FAM168B: variants seen among roughly 807,000 people sequenced by gnomAD.
FAM168B encodes family with sequence similarity 168 member B.
A neutral mutation model predicts 21.8 loss-of-function variants in FAM168B; 19 were observed. That is an observed-to-expected ratio of 0.87 (90% CI 0.61 to 1.28). The LOEUF (loss-of-function observed/expected upper bound fraction) is 1.28, where lower values mean the gene tolerates loss of function less well. Among genes scored for constraint, FAM168B ranks in the 50% most tolerant of loss-of-function variants. The pLI is 0.00. For missense variants in FAM168B, 233 were observed against 263.1 expected, an observed-to-expected ratio of 0.89 and a Z score of 0.79; for synonymous variants, 126 against 104.8, an observed-to-expected ratio of 1.20 and a Z score of -1.24.
chr2:131,073,709 A>G (rs1692995066), intron 2 of FAM168B, among the ~76,000 whole-genome samples: 1 of 152,156 alleles, frequency 6.6e-6, no homozygotes, highest in Non-Finnish European at 1.5e-5. Flanking sequence ...ATTTCTGTTC[A>G]TTATCCAGCT....
intron 2 of FAM168B, among the ~76,000 whole-genome samples, chr2:131,081,994 G>A (rs888858490): frequency 6.6e-6 from 1 of 152,164 alleles, no homozygotes; most frequent in African/African-American, 2.4e-5. Context: ...AGTCACCGAA[G>A]GGAACAACCA....
chr2:131,068,367 C>T (rs1692684089), intron 3 of FAM168B, among the ~76,000 whole-genome samples: 1 of 152,168 alleles, frequency 6.6e-6, no homozygotes, highest in Admixed American at 6.5e-5. Flanking sequence ...CTGTATTGGC[C>T]AGGCTGGTCT....
chr2:131,082,424 C>T (rs534248784), intron 2 of FAM168B, among the ~76,000 whole-genome samples, 153 bp downstream of exon 2: 2 of 152,166 alleles, frequency 1.3e-5, no homozygotes, highest in Non-Finnish European at 2.9e-5. Flanking sequence ...TTGACCAAAT[C>T]CAGTCCTATC....
intron 3 of FAM168B, among the ~76,000 whole-genome samples, chr2:131,065,096 C>A (rs1692489176): frequency 6.6e-6 from 1 of 152,138 alleles, no homozygotes; most frequent in Non-Finnish European, 1.5e-5. Flanking sequence ...AAGGTCGGGG[C>A]AGCAAAGTGA....
intron 3 of FAM168B, 73 bp downstream of exon 3, chr2:131,071,782 C>A (rs1281513211): frequency 4.6e-6 from 6 of 1,291,650 alleles, no homozygotes; most frequent in Non-Finnish European, 6.7e-6. Flanking sequence ...CTATACCCAC[C>A]CCTCTCAAAA....
intron 3 of FAM168B, among the ~76,000 whole-genome samples, chr2:131,061,707 G>A (rs1198174516): frequency 6.6e-6 from 1 of 152,018 alleles, no homozygotes; most frequent in African/African-American, 2.4e-5. Flanking sequence ...AGCTGAACCT[G>A]GGAGGTGGAG....
Position 131,048,159 on chromosome 2 carries a change from G to T in FAM168B, c.*4306C>A. 3.2e-6 allele frequency: 4 copies of T among 1,245,494 alleles called. No homozygotes were observed. Among genetic ancestry groups the T allele is most frequent in the Non-Finnish European group, 4.2e-6 (4 of 955,550 alleles). 77.2% of individuals were successfully genotyped at this position (1,245,494 alleles called of 1,614,324 possible). On this transcript the variant is annotated 3_prime_UTR_variant, in exon 7 of 7. Transcript: ENST00000389915. Reference sequence around the variant, plus strand: ...TACCGAGAGAACGGTGTAAAAAACGGTATTTAAAAATCATTTTTAAAAAAA... The same window carrying T: ...TACCGAGAGAACGGTGTAAAAAACGTTATTTAAAAATCATTTTTAAAAAAA...
chr2:131,061,877 T>C (rs1021856667), intron 3 of FAM168B, among the ~76,000 whole-genome samples: 1 of 152,100 alleles, frequency 6.6e-6, no homozygotes, highest in Middle Eastern at 3.4e-3. Flanking sequence ...GTCTGAAAGA[T>C]GCTGATCTGG....
In FAM168B at chr2:131,055,598, C is replaced by G; in HGVS notation, c.252G>C (p.Val84=). 1 of 1,610,518 alleles carries G rather than the reference C, an allele frequency of 6.2e-7. No individual in the cohort carries two copies. The highest frequency in any genetic ancestry group is 8.5e-7 in the Non-Finnish European group (1 of 1,178,344). The part of the protein sequence containing the change: ...SSSPNPYQTA[V]YPVRSAYPQQ... ...GGGGGTAGGCACTTCGCACAGGGTA[C>G]ACGGCAGTCTGGTAGGGGTTCGGGG... Residue 84 remains valine (V), a synonymous_variant, in exon 4 of 7, where the codon GTG becomes GTC. Coordinates refer to ENST00000389915, the MANE Select transcript of FAM168B (RefSeq NM_001009993.4).
At chr2:131,061,390 A>G (rs1353201991) in intron 3 of FAM168B, among the ~76,000 whole-genome samples, 1 of 152,030 alleles carries the variant, frequency 6.6e-6, no homozygotes, top group African/African-American at 2.4e-5. Flanking sequence ...TAGCCAGAAA[A>G]TCTCCATGGA....
At position 131,079,820 on chromosome 2, in the gene FAM168B, T is replaced by TA. The variant is rs1035020431; in HGVS notation, c.70+2756dup. Among the ~76,000 whole-genome samples, 12 of 148,506 alleles carry TA rather than the reference T, an allele frequency of 8.1e-5. No individual in the cohort carries two copies. In the South Asian group the frequency reaches 8.5e-4, roughly 10 times the overall value. ...AAAATTCACTAACAGACTTGTGGTT[T>TA]AAAAAAAAAAATGTGGCTCGGAGCA... is the stretch of plus-strand genomic sequence containing the variant. On this transcript the variant is annotated intron_variant, in intron 2 of 6. Transcript: ENST00000389915.
chr2:131,084,993 G>A (rs566121354), intron 1 of FAM168B, among the ~76,000 whole-genome samples: 15 of 152,290 alleles, frequency 9.8e-5, no homozygotes, highest in Admixed American at 3.9e-4. Flanking sequence ...GTGTATTAAA[G>A]TGTAAGCTTT....
At chr2:131,090,617 G>C (rs1693958846) in intron 1 of FAM168B, among the ~76,000 whole-genome samples, 1 of 152,026 alleles carries the variant, frequency 6.6e-6, no homozygotes, top group Non-Finnish European at 1.5e-5. Context: ...TGTAACACCA[G>C]TGCTTTGGGA....
At position 131,050,949 on chromosome 2, in the gene FAM168B, CCG is replaced by C. The variant is rs1241080126; in HGVS notation, c.*1514_*1515del. 1.0e-6 allele frequency: 1 copy of C among 985,500 alleles called. No individual in the cohort carries two copies. Among genetic ancestry groups the C allele is most frequent in the Non-Finnish European group, 1.2e-6 (1 of 830,078 alleles). The allele number at this position is 985,500 out of a possible 1,614,324, so 61.0% of individuals were successfully genotyped here. A position where few individuals can be genotyped will look rare whatever the true frequency, so the allele number is the denominator to read the frequency against. On this transcript the variant is annotated 3_prime_UTR_variant, in exon 7 of 7. Coordinates refer to ENST00000389915, the MANE Select transcript of FAM168B (RefSeq NM_001009993.4). ...CCCCCACTCTGACCCTCACTGAGAA[CCG>C]ACATGCACTCTCATGGATACAGGAC...
At chr2:131,072,604 A>G (rs1018312395) in intron 2 of FAM168B, among the ~76,000 whole-genome samples, 11 of 151,842 alleles carry the variant, frequency 7.2e-5, no homozygotes, top group African/African-American at 2.7e-4. Context: ...GATTACAGGC[A>G]TCTACCACCA....
At chr2:131,085,462 G>A (rs761323531) in intron 1 of FAM168B, among the ~76,000 whole-genome samples, 6 of 152,050 alleles carry the variant, frequency 3.9e-5, no homozygotes, top group African/African-American at 7.2e-5. Context: ...ACTACCTACC[G>A]ACTTTCTAAA....
intron 2 of FAM168B, among the ~76,000 whole-genome samples, chr2:131,076,779 G>A (rs948224716): frequency 6.6e-6 from 1 of 152,006 alleles, no homozygotes; most frequent in Non-Finnish European, 1.5e-5. Context: ...CAAAGGGCTA[G>A]TACACTTAAT....
chr2:131,090,636 C>A (rs1056306880), intron 1 of FAM168B, among the ~76,000 whole-genome samples: 2 of 152,104 alleles, frequency 1.3e-5, no homozygotes, highest in South Asian at 2.1e-4. Flanking sequence ...GAGGCTGGGG[C>A]AGGAGGACTG....
At chr2:131,085,600 G>GT (rs1336126609) in intron 1 of FAM168B, among the ~76,000 whole-genome samples, 1 of 152,212 alleles carries the variant, frequency 6.6e-6, no homozygotes, top group Non-Finnish European at 1.5e-5. Flanking sequence ...CAATCCTGTA[G>GT]TAAGAAGAAA....
Sources: allele counts gnomAD v4.1 joint callset (sites outside exome capture counted in the v4.1 genomes callset), GRCh38; gene constraint gnomAD v4.1.1; transcripts MANE v1.5; gene names NCBI Gene and HGNC (gene_info 2026-07-23, HGNC 2026-07-21).